Variants in CHD5 observed in about 807,000 individuals in gnomAD.
CHD5 encodes the protein chromodomain helicase DNA binding protein 5, also known as ATP-dependent chromatin remodeler CHD5.
A neutral mutation model predicts 230.3 loss-of-function variants in CHD5; 69 were observed. The ratio of observed to expected loss-of-function variants is 0.30; its 90% CI spans 0.25 to 0.37. CHD5 has a LOEUF of 0.37. Ranked by LOEUF, CHD5 falls within the 10% of genes least tolerant of loss-of-function variation. The pLI is 1.00. For synonymous variants in CHD5, 1,064 were observed against 1,065.9 expected (o/e 1.00, Z 0.03); for missense variants, 1,827 against 2,622.8 (o/e 0.70, Z 6.63).
intron 15 of CHD5, among the ~76,000 whole-genome samples, chr1:6,140,154 G>A (rs1317803137): frequency 6.6e-6 from 1 of 152,076 alleles, no homozygotes; most frequent in Non-Finnish European, 1.5e-5. Flanking sequence ...TGTAATCCCA[G>A]CACCTTAAGA....
In CHD5 at chr1:6,112,280, G is replaced by A. The variant is rs1235377737; in HGVS notation, c.5003-3C>T. On this transcript the variant is annotated splice_polypyrimidine_tract_variant and splice_region_variant and intron_variant, in intron 34 of 41. Transcript: ENST00000262450. ...CTTCTCCTCAGCCTTGGTGTCATCT[G>A]CCGGGGACAGATCACATTCATTCAT... 3 of 1,613,686 alleles carry A rather than the reference G, an allele frequency of 1.9e-6. No homozygotes were observed. Among genetic ancestry groups the A allele is most frequent in the Non-Finnish European group, 2.5e-6 (3 of 1,179,770 alleles).
At chr1:6,172,018 C>T (rs1449740959) in intron 1 of CHD5, among the ~76,000 whole-genome samples, 1 of 152,226 alleles carries the variant, frequency 6.6e-6, no homozygotes, top group Non-Finnish European at 1.5e-5. Context: ...GGGTGGGGCT[C>T]AAGTCGACCA....
chr1:6,165,242 C>T (rs1667234578), intron 2 of CHD5, among the ~76,000 whole-genome samples: 1 of 152,168 alleles, frequency 6.6e-6, no homozygotes, highest in South Asian at 2.1e-4. Flanking sequence ...ACCTCCCAAG[C>T]CTCCCTAGCC....
intron 2 of CHD5, 101 bp from the exon 3 acceptor site, chr1:6,159,616 G>A: frequency 1.1e-6 from 1 of 890,552 alleles, no homozygotes; most frequent in East Asian, 2.6e-5. Context: ...GCCCACGCTG[G>A]GGATCGACCG....
intron 2 of CHD5, among the ~76,000 whole-genome samples, chr1:6,161,767 G>A (rs4908837): frequency 0.022 from 3,293 of 152,258 alleles, 97 homozygotes; most frequent in Admixed American, 0.094. Flanking sequence ...CGCTCTCCCT[G>A]AGCCCTCACC....
chr1:6,115,572 G>A (rs184619063), intron 33 of CHD5, among the ~76,000 whole-genome samples: 75 of 152,324 alleles, frequency 4.9e-4, no homozygotes, highest in Admixed American at 7.8e-4. Flanking sequence ...GAAGACACAC[G>A]AGGCTACATG....
chr1:6,117,339 T>G (rs942925154), intron 33 of CHD5, among the ~76,000 whole-genome samples: 1 of 152,050 alleles, frequency 6.6e-6, no homozygotes, highest in Non-Finnish European at 1.5e-5. Context: ...CCTAAAACAT[T>G]ACAAAGAGAT....
chr1:6,107,974 G>C (rs1414992469), intron 38 of CHD5, among the ~76,000 whole-genome samples: 1 of 140,136 alleles, frequency 7.1e-6, no homozygotes. Flanking sequence ...TGGAAGGATG[G>C]AGGGATGATG....
Position 6,142,136 on chromosome 1 carries a change from G to A in CHD5, c.2428C>T (p.Arg810Cys), listed in dbSNP as rs1424567700. Reference protein sequence around the residue: ...NAIRSGKKVFRMKKEVQIKFH... With the variant: ...NAIRSGKKVFCMKKEVQIKFH... ...GGATAGCGAGCCCTCACCTTCATACGGAATACCTTCTTCCCACTCCGAATG... is the reference window on the plus strand; with the variant it reads ...GGATAGCGAGCCCTCACCTTCATACAGAATACCTTCTTCCCACTCCGAATG... The change falls in exon 15 of 42, where the codon CGT becomes TGT. Residue 810 changes from arginine (R) to cysteine (C), a missense_variant. Physicochemically the swap from Arg to Cys is radical, Grantham distance 180 (BLOSUM62 -3). Transcript: ENST00000262450. The surrounding 1 kb of genome is among the most constrained non-coding windows in gnomAD (Gnocchi z 5.2). 5.0e-6 allele frequency: 8 copies of A among 1,613,834 alleles called. No individual in the cohort carries two copies. The highest frequency in any genetic ancestry group is 3.3e-5 in the Admixed American group (2 of 60,020).
At chr1:6,159,095 C>A (rs183463067) in intron 3 of CHD5, among the ~76,000 whole-genome samples, 1 of 151,244 alleles carries the variant, frequency 6.6e-6, no homozygotes, top group Non-Finnish European at 1.5e-5. Flanking sequence ...ATTAGCCAGG[C>A]GTGGTGGCAC....
At chr1:6,161,757 C>T (rs560362799) in intron 2 of CHD5, among the ~76,000 whole-genome samples, 5 of 152,304 alleles carry the variant, frequency 3.3e-5, no homozygotes, top group Admixed American at 6.5e-5. Flanking sequence ...CTGAGAGACA[C>T]GCTCTCCCTG....
rs562140770 is a variant in CHD5, at chr1:6,150,561, TTGA to T, written c.994+468_994+470del. 3.6e-4 allele frequency among the ~76,000 whole-genome samples: 54 copies of T among 150,232 alleles called. 1 individual carries two copies. The South Asian group carries it at 0.011, about 32-fold the overall frequency. ...GCTGACGGATGGATGGACAAATGGATTGATGATGGATGATGGATGAATGGCTGG... is the reference window on the plus strand; with the variant it reads ...GCTGACGGATGGATGGACAAATGGATTGATGGATGATGGATGAATGGCTGG... On this transcript the variant is annotated intron_variant, in intron 7 of 41. Transcript: ENST00000262450.
At chr1:6,108,588 G>A in intron 38 of CHD5, among the ~76,000 whole-genome samples, 1 of 150,206 alleles carries the variant, frequency 6.7e-6, no homozygotes, top group East Asian at 2.0e-4. Flanking sequence ...GAGGGATGGA[G>A]GGGTGGAAGG....
At chr1:6,153,025 C>A (rs1024480256) in intron 5 of CHD5, among the ~76,000 whole-genome samples, 5 of 152,234 alleles carry the variant, frequency 3.3e-5, no homozygotes, top group African/African-American at 1.2e-4. Context: ...CAGCAAGGGC[C>A]AGCAGGGCTG....
intron 3 of CHD5, among the ~76,000 whole-genome samples, chr1:6,158,698 C>A (rs1667116322): frequency 6.6e-6 from 1 of 152,124 alleles, no homozygotes; most frequent in Admixed American, 6.6e-5. Context: ...GAGGCCAAGG[C>A]AGGCAGATCG....
At chr1:6,148,242 C>T (rs1666941799) in intron 9 of CHD5, among the ~76,000 whole-genome samples, 1 of 152,132 alleles carries the variant, frequency 6.6e-6, no homozygotes. Context: ...AGGGGCCTTC[C>T]GATGTCTACT....
chr1:6,178,373 C>T (rs1667457242), intron 1 of CHD5, among the ~76,000 whole-genome samples: 1 of 152,058 alleles, frequency 6.6e-6, no homozygotes, highest in African/African-American at 2.4e-5. Flanking sequence ...CAGGGGACTC[C>T]ACCAGCGGGT....
chr1:6,144,975 G>C (rs2100859614), intron 11 of CHD5, among the ~76,000 whole-genome samples: 1 of 152,338 alleles, frequency 6.6e-6, no homozygotes, highest in Middle Eastern at 3.4e-3. Context: ...CCACTTTGGG[G>C]CAGAGAGAAA....
In CHD5 at chr1:6,152,468, C is replaced by A. The variant is rs1008928617; in HGVS notation, c.814G>T (p.Ala272Ser). Residue 272 changes from alanine (A) to serine (S), a missense_variant, in exon 6 of 42, where the codon GCC becomes TCC. Coordinates refer to ENST00000262450, the MANE Select transcript of CHD5 (RefSeq NM_015557.3). ...CCCCCGAAGCGGAACTTGAGCCCGG[C>A]CGTCTTTTTCCCTTTGCCCTTTTTC... ...GKKKGKGKKT[A>S]GLKFRFGGIS... is the part of the protein sequence containing the mutation. 10 of 1,614,094 alleles carry A rather than the reference C, an allele frequency of 6.2e-6. No homozygotes were observed. The highest frequency in any genetic ancestry group is 2.7e-5 in the African/African-American group (2 of 74,938).
Sources: gnomAD v4.1 joint callset for allele counts (sites outside exome capture counted in the v4.1 genomes callset) on GRCh38, gnomAD v4.1.1 for gene constraint, Gnocchi (gnomAD v3.1) non-coding constraint, MANE v1.5 for transcripts, NCBI Gene and HGNC (gene_info 2026-07-23, HGNC 2026-07-21) for gene names.